The following EXOC4 variants were observed in gnomAD, a reference collection of about 807,000 sequenced individuals.
The protein encoded by EXOC4 is SEC8-like 1.
A neutral mutation model predicts 107.2 loss-of-function variants in EXOC4; 71 were observed. That is an observed-to-expected ratio of 0.66 (90% CI 0.55 to 0.81). EXOC4 has a LOEUF of 0.81. EXOC4 is among the 30% of genes least tolerant of loss of function. EXOC4 has a pLI of 0.00. For synonymous variants in EXOC4, 456 were observed against 441.2 expected (o/e 1.03, Z -0.42); for missense variants, 1,108 against 1,189.6 (o/e 0.93, Z 1.01).
chr7:133,415,193 GT>G (rs1797447723), intron 7 of EXOC4, among the ~76,000 whole-genome samples: 1 of 152,062 alleles, frequency 6.6e-6, no homozygotes, highest in South Asian at 2.1e-4. Context: ...GAACATTTGG[GT>G]TGTTTTCACT....
intron 7 of EXOC4, among the ~76,000 whole-genome samples, chr7:133,450,545 C>T (rs1279127451): frequency 1.3e-5 from 2 of 152,116 alleles, no homozygotes; most frequent in East Asian, 3.9e-4. Flanking sequence ...TCTACCTAGA[C>T]CTTGTGTCTG....
intron 17 of EXOC4, among the ~76,000 whole-genome samples, chr7:134,034,440 C>T (rs1461371216): frequency 6.6e-6 from 1 of 152,182 alleles, no homozygotes; most frequent in Admixed American, 6.5e-5. Context: ...ATTGTAATCC[C>T]CATAATCTGT....
chr7:133,915,290 G>A (rs545021746), intron 12 of EXOC4, among the ~76,000 whole-genome samples: 1 of 152,074 alleles, frequency 6.6e-6, no homozygotes. Flanking sequence ...AGAGGATTAG[G>A]GAATATATAG....
At chr7:133,932,027 A>G (rs1457987109) in intron 13 of EXOC4, among the ~76,000 whole-genome samples, 1 of 152,242 alleles carries the variant, frequency 6.6e-6, no homozygotes, top group Non-Finnish European at 1.5e-5. Flanking sequence ...GGACAGAAAG[A>G]TAGACTGACA....
intron 11 of EXOC4, among the ~76,000 whole-genome samples, chr7:133,855,092 A>AATATATATATAAATATATATAAATATAT (rs1798329183): frequency 2.0e-5 from 1 of 49,368 alleles, no homozygotes; most frequent in Non-Finnish European, 3.4e-5. Context: ...AATATATATA[A>AATATATATATAAATATATATAAATATAT]ATATATATAT....
At chr7:133,320,848 A>C (rs1392313608) in intron 5 of EXOC4, among the ~76,000 whole-genome samples, 1 of 152,216 alleles carries the variant, frequency 6.6e-6, no homozygotes. Context: ...GAACTGCACA[A>C]AATGTTACTA....
At chr7:134,002,822 A>G (rs1201384984) in intron 15 of EXOC4, among the ~76,000 whole-genome samples, 1 of 152,142 alleles carries the variant, frequency 6.6e-6, no homozygotes, top group African/African-American at 2.4e-5. Flanking sequence ...TGACAACACC[A>G]AGTACTGATG....
At chr7:133,490,019 G>T (rs964934062) in intron 9 of EXOC4, among the ~76,000 whole-genome samples, 2 of 152,166 alleles carry the variant, frequency 1.3e-5, no homozygotes, top group East Asian at 1.9e-4. Context: ...GAAGAAAGAG[G>T]CTGTCTTTCT....
At chr7:133,665,817 G>A (rs1464002447) in intron 10 of EXOC4, among the ~76,000 whole-genome samples, 1 of 151,926 alleles carries the variant, frequency 6.6e-6, no homozygotes, top group Non-Finnish European at 1.5e-5. Context: ...TGTTAATCCA[G>A]CCAGAACCTT....
At chr7:133,558,205 TC>T (rs1800735357) in intron 9 of EXOC4, among the ~76,000 whole-genome samples, 3 of 128,592 alleles carry the variant, frequency 2.3e-5, no homozygotes, top group African/African-American at 1.0e-4. Context: ...TCTTTTCTTT[TC>T]TTTTCTTTTC....
At chr7:133,514,733 T>A (rs929553683) in intron 9 of EXOC4, among the ~76,000 whole-genome samples, 8 of 152,148 alleles carry the variant, frequency 5.3e-5, no homozygotes, top group Non-Finnish European at 8.8e-5. Context: ...AGGTTAACAT[T>A]TTTTGAGTTG....
chr7:134,069,197 C>T (rs1325918462), downstream of EXOC4, among the ~76,000 whole-genome samples: 1 of 134,950 alleles, frequency 7.4e-6, no homozygotes, highest in African/African-American at 2.8e-5. Context: ...GCAGTTCACC[C>T]TTTACCAGTT....
At chr7:133,268,423 T>C (rs974141593) in intron 1 of EXOC4, among the ~76,000 whole-genome samples, 6 of 152,218 alleles carry the variant, frequency 3.9e-5, no homozygotes, top group South Asian at 2.1e-4. Context: ...TTTTGGTGAC[T>C]GACCTTATTT....
chr7:133,973,832 G>A (rs74530055), intron 14 of EXOC4, among the ~76,000 whole-genome samples: 258 of 152,330 alleles, frequency 1.7e-3, no homozygotes, highest in African/African-American at 6.1e-3. Flanking sequence ...AAAGAACAGA[G>A]ATTTATTTCT....
At chr7:134,066,327 A>G (rs1796177016), downstream of EXOC4, 1 of 152,138 alleles carries the variant, frequency 6.6e-6, no homozygotes, top group Non-Finnish European at 1.5e-5. Context: ...GCTCAGACTA[A>G]TTTTCTTGGA....
intron 2 of EXOC4, among the ~76,000 whole-genome samples, 154 bp from the exon 3 acceptor site, chr7:133,288,768 G>A (rs1317057): frequency 0.3 from 44,841 of 151,934 alleles, 7,488 homozygotes; most frequent in African/African-American, 0.46. Context: ...TCAGAACCAG[G>A]ATTAGAATTT....
chr7:133,480,247 C>A, intron 9 of EXOC4, 109 bp downstream of exon 9: 1 of 1,522,896 alleles, frequency 6.6e-7, no homozygotes, highest in Non-Finnish European at 8.8e-7. Context: ...GTAACAAACA[C>A]TTAGTGACTT....
chr7:133,809,799 C>T (rs534091967), intron 10 of EXOC4, among the ~76,000 whole-genome samples: 102 of 152,250 alleles, frequency 6.7e-4, no homozygotes, highest in Non-Finnish European at 1.2e-3. Context: ...TAAATGTACA[C>T]ATTAAAAGAC....
intron 10 of EXOC4, among the ~76,000 whole-genome samples, chr7:133,805,673 G>C (rs994991155): frequency 2.0e-5 from 3 of 152,150 alleles, no homozygotes; most frequent in Admixed American, 6.5e-5. Context: ...AGTCAGGAAG[G>C]AGATAGGGGG....
Sources: allele counts gnomAD v4.1 joint callset (sites outside exome capture counted in the v4.1 genomes callset), GRCh38; gene constraint gnomAD v4.1.1; transcripts MANE v1.5; gene names NCBI Gene and HGNC (gene_info 2026-07-23, HGNC 2026-07-21).